Variants in MAMLD1 observed in about 807,000 individuals in gnomAD.
The protein encoded by MAMLD1 is mastermind like domain containing 1.
MAMLD1 carries 14 observed loss-of-function variants against 45.0 expected under a neutral mutation model. The ratio of observed to expected loss-of-function variants is 0.31; its 90% CI spans 0.21 to 0.49. The LOEUF (loss-of-function observed/expected upper bound fraction) is 0.49, where lower values mean the gene tolerates loss of function less well. Among genes scored for constraint, MAMLD1 ranks in the 20% least tolerant of loss-of-function variants. The probability of loss-of-function intolerance (pLI) is 0.99; values close to 1 mark genes in which losing one functional copy is unlikely to be tolerated. For synonymous variants in MAMLD1, 254 were observed against 247.8 expected (o/e 1.02, Z -0.24); for missense variants, 543 against 603.6 (o/e 0.90, Z 1.05).
chrX:150,398,373 GGAAGAA>G (rs1414806616), intron 1 of MAMLD1, among the ~76,000 whole-genome samples: 17 of 96,586 alleles, frequency 1.8e-4, no homozygotes, highest in Admixed American at 3.4e-4. Context: ...AAGAGGAAGA[GGAAGAA>G]GAAGAGGAAG....
intron 1 of MAMLD1, among the ~76,000 whole-genome samples, chrX:150,376,495 C>A (rs2032321372): frequency 1.8e-5 from 2 of 110,608 alleles, no homozygotes; most frequent in African/African-American, 6.6e-5. Context: ...GGTCCAGGAC[C>A]CAGGAGGCCC....
chrX:150,458,457 T>G (rs1438314629), intron 2 of MAMLD1, among the ~76,000 whole-genome samples: 2 of 111,527 alleles, frequency 1.8e-5, no homozygotes, highest in Non-Finnish European at 3.8e-5. Flanking sequence ...AGCTTCAAAG[T>G]TCATCCCTCA....
At chrX:150,433,217 G>A (rs2035012268) in intron 1 of MAMLD1, among the ~76,000 whole-genome samples, 1 of 111,912 alleles carries the variant, frequency 8.9e-6, no homozygotes, top group Non-Finnish European at 1.9e-5. Context: ...CAGCTTGGAT[G>A]TTGTTGGTGT....
chrX:150,455,118 A>G (rs1164773588), intron 2 of MAMLD1, among the ~76,000 whole-genome samples: 1 of 112,418 alleles, frequency 8.9e-6, no homozygotes, highest in Non-Finnish European at 1.9e-5. Flanking sequence ...ATTATTTTCA[A>G]TATAGAACCT....
At chrX:150,379,265 A>C (rs12013750) in intron 1 of MAMLD1, among the ~76,000 whole-genome samples, 8,515 of 111,569 alleles carry the variant, frequency 0.076, 282 homozygotes, top group Middle Eastern at 0.13. Context: ...TCTCTCTGCC[A>C]TTACCATAAT....
intron 1 of MAMLD1, among the ~76,000 whole-genome samples, chrX:150,385,799 A>G (rs1248499478): frequency 8.9e-6 from 1 of 111,908 alleles, no homozygotes; most frequent in African/African-American, 3.3e-5. Context: ...TCTCTAAAAA[A>G]TGTTTCTATA....
chrX:150,391,264 C>A (rs782332598), intron 1 of MAMLD1, among the ~76,000 whole-genome samples: 5 of 111,856 alleles, frequency 4.5e-5, no homozygotes, highest in Non-Finnish European at 9.4e-5. Flanking sequence ...TTACTCTCTC[C>A]GCTCTTCCTC....
At position 150,489,228 on chromosome X, in the gene MAMLD1, C is replaced by T. The variant is rs191017315; in HGVS notation, c.2041-14046C>T. ...GGCTGCTATGACAAAATACCATAGGCTGGGTGGCTTAGAGACAATGGAAAT... is the reference window on the plus strand; with the variant it reads ...GGCTGCTATGACAAAATACCATAGGTTGGGTGGCTTAGAGACAATGGAAAT... On this transcript the variant is annotated intron_variant, in intron 5 of 7. Coordinates refer to ENST00000370401, the MANE Select transcript of MAMLD1 (RefSeq NM_005491.5). Among the ~76,000 whole-genome samples the T allele has an allele frequency of 3.6e-5, 4 of 111,243 alleles. No homozygotes were observed. In the East Asian group the frequency reaches 1.1e-3, roughly 31 times the overall value.
At chrX:150,511,363 T>C (rs2037892901) in intron 7 of MAMLD1, among the ~76,000 whole-genome samples, 1 of 111,773 alleles carries the variant, frequency 8.9e-6, no homozygotes, top group Non-Finnish European at 1.9e-5. Flanking sequence ...GAGTCCAGAA[T>C]GTCAGCTCCC....
chrX:150,399,615 C>A (rs1471649416), intron 1 of MAMLD1, among the ~76,000 whole-genome samples: 1 of 111,116 alleles, frequency 9.0e-6, no homozygotes, highest in African/African-American at 3.3e-5. Context: ...AAGAGAAAGC[C>A]ATATGAAGAC....
At chrX:150,497,144 T>C (rs2037403520) in intron 5 of MAMLD1, among the ~76,000 whole-genome samples, 1 of 112,104 alleles carries the variant, frequency 8.9e-6, no homozygotes, top group South Asian at 3.7e-4. Flanking sequence ...TTTCCAGGTC[T>C]TGCTTAGGGG....
At chrX:150,481,483 CAGAG>C (rs1557407169) in intron 5 of MAMLD1, among the ~76,000 whole-genome samples, 1 of 112,041 alleles carries the variant, frequency 8.9e-6, no homozygotes, top group Non-Finnish European at 1.9e-5. Flanking sequence ...AAAAATTACA[CAGAG>C]AAATACCGTA....
chrX:150,482,493 T>TA (rs2036847782), intron 5 of MAMLD1, among the ~76,000 whole-genome samples: 1 of 112,771 alleles, frequency 8.9e-6, no homozygotes, highest in Non-Finnish European at 1.9e-5. Flanking sequence ...ATTGCACACT[T>TA]AAAAATTGTT....
At chrX:150,489,280 G>A (rs1385268272) in intron 5 of MAMLD1, among the ~76,000 whole-genome samples, 2 of 110,746 alleles carry the variant, frequency 1.8e-5, no homozygotes, top group African/African-American at 3.3e-5. Flanking sequence ...TGGAGGCTGG[G>A]AACTTCAAGA....
rs1455397673 is a variant in MAMLD1, at chrX:150,494,723, C to T, written c.2041-8551C>T. On this transcript the variant is annotated intron_variant, in intron 5 of 7. Transcript: ENST00000370401. ...GGGGAAACCCTGTCTCTACTAAAAA[C>T]GCAAAAATTAGCTGGGAGTGGTGGT... Among the ~76,000 whole-genome samples, 24 of 109,123 alleles carry T rather than the reference C, an allele frequency of 2.2e-4. No individual in the cohort carries two copies. In the South Asian group the frequency reaches 5.2e-3, roughly 23 times the overall value. The allele number at this position is 109,123 out of a possible 115,157, so 94.8% of individuals were successfully genotyped here. A position where few individuals can be genotyped will look rare whatever the true frequency, so the allele number is the denominator to read the frequency against.
Position 150,470,724 on chromosome X carries a change from C to T in MAMLD1, c.1151C>T (p.Pro384Leu), listed in dbSNP as rs370173998. The T allele has an allele frequency of 6.4e-5, 77 of 1,210,398 alleles. 1 individual carries two copies. Among genetic ancestry groups the T allele is most frequent in the Non-Finnish European group, 8.5e-5 (76 of 895,285 alleles). The part of the protein sequence containing the change: ...TLSGSTLRGS[P>L]NALLSSMTSS... ...TCGGGTAGCACTCTCCGAGGCTCTC[C>T]CAATGCCTTACTGTCAAGCATGACG... Residue 384 changes from proline (P) to leucine (L), a missense_variant, in exon 4 of 8, where the codon CCC (proline) becomes CTC (leucine). Physicochemically the swap from Pro to Leu is moderately conservative, Grantham distance 98 (BLOSUM62 -3). Coordinates refer to ENST00000370401, the MANE Select transcript of MAMLD1 (RefSeq NM_005491.5).
At chrX:150,369,557 CAG>C (rs1463365669) in intron 1 of MAMLD1, among the ~76,000 whole-genome samples, 1 of 112,645 alleles carries the variant, frequency 8.9e-6, no homozygotes, top group Non-Finnish European at 1.9e-5. Context: ...AACCCAGAAT[CAG>C]AGACAGCGGA....
At chrX:150,494,675 T>C (rs1347057274) in intron 5 of MAMLD1, among the ~76,000 whole-genome samples, 2 of 102,626 alleles carry the variant, frequency 1.9e-5, no homozygotes, top group African/African-American at 7.3e-5. Context: ...GAGCCCAGAG[T>C]TTGAGACCAA....
chrX:150,375,308 T>C (rs2032255688), intron 1 of MAMLD1, among the ~76,000 whole-genome samples: 1 of 111,503 alleles, frequency 9.0e-6, no homozygotes, highest in African/African-American at 3.3e-5. Context: ...TATTTTCAAT[T>C]CTCCTAGAAA....
Sources: gnomAD v4.1 joint callset for allele counts (sites outside exome capture counted in the v4.1 genomes callset) on GRCh38, gnomAD v4.1.1 for gene constraint, MANE v1.5 for transcripts, NCBI Gene and HGNC (gene_info 2026-07-23, HGNC 2026-07-21) for gene names.